The following TMEM40 variants were observed in gnomAD, a reference collection of about 807,000 sequenced individuals.
TMEM40 encodes the protein transmembrane protein 40.
In TMEM40, 34 loss-of-function variants were observed where a neutral mutation model predicts 40.8. The observed-to-expected ratio is 0.83, with a 90% CI of 0.63 to 1.11. The LOEUF is 1.11. Ranked by LOEUF, TMEM40 falls within the 50% of genes least tolerant of loss-of-function variation. The pLI is 0.00. For missense variants in TMEM40, 296 were observed against 280.2 expected (o/e 1.06, Z -0.40); for synonymous variants, 106 against 107.0 (o/e 0.99, Z 0.06).
Position 12,740,344 on chromosome 3 carries a change from C to A in TMEM40, c.356-1756G>T, listed in dbSNP as rs369705294. Among the ~76,000 whole-genome samples, 10 of 151,338 alleles carry A rather than the reference C, an allele frequency of 6.6e-5. No individual in the cohort carries two copies. In the East Asian group the frequency reaches 2.0e-3, roughly 30 times the overall value. On this transcript the variant is annotated intron_variant, in intron 5 of 11. Transcript: ENST00000314124. Reference sequence around the variant, plus strand: ...ACCTCAAGTGATCCACCTGCCTCAGCCTCCCAAAGTGCTGGGATTACAGGC... The same window carrying A: ...ACCTCAAGTGATCCACCTGCCTCAGACTCCCAAAGTGCTGGGATTACAGGC...
chr3:12,763,819 A>G (rs978608125), upstream of TMEM40, among the ~76,000 whole-genome samples: 1 of 152,190 alleles, frequency 6.6e-6, no homozygotes, highest in Non-Finnish European at 1.5e-5. Flanking sequence ...GTGACTTCCT[A>G]GGTCTGAGAA....
chr3:12,749,049 G>T (rs1318646794), intron 2 of TMEM40, among the ~76,000 whole-genome samples: 1 of 151,810 alleles, frequency 6.6e-6, no homozygotes, highest in Non-Finnish European at 1.5e-5. Context: ...TTTTGAGACG[G>T]AGTCTTGCTC....
chr3:12,767,612 A>T (rs1431556062), intron 1 of TMEM40, among the ~76,000 whole-genome samples: 1 of 152,170 alleles, frequency 6.6e-6, no homozygotes, highest in Non-Finnish European at 1.5e-5. Flanking sequence ...GCTAGATAGA[A>T]ATGCTCTCCA....
chr3:12,747,804 G>T (rs907683300), intron 3 of TMEM40, among the ~76,000 whole-genome samples: 9 of 151,366 alleles, frequency 5.9e-5, no homozygotes, highest in Admixed American at 5.3e-4. Context: ...CCAGCTACTC[G>T]GGAGGCTGAG....
At chr3:12,736,546 G>C (rs2061338763) in intron 10 of TMEM40, 32 bp downstream of exon 10, 1 of 1,533,368 alleles carries the variant, frequency 6.5e-7, no homozygotes, top group Non-Finnish European at 8.8e-7. Flanking sequence ...CCAAGAGACT[G>C]TGTGTGTGTC....
chr3:12,739,707 T>C (rs1447827168), intron 5 of TMEM40, among the ~76,000 whole-genome samples: 1 of 152,072 alleles, frequency 6.6e-6, no homozygotes, highest in Non-Finnish European at 1.5e-5. Flanking sequence ...AGTCATGAAC[T>C]ACTATGCCTA....
chr3:12,743,921 G>T lies in TMEM40; in HGVS notation c.280C>A (p.Pro94Thr). Residue 94 changes from proline to threonine, a missense_variant, in exon 4 of 12, where the codon CCC (proline) becomes ACC (threonine). Transcript: ENST00000314124. ...CTACCGGGTGAGCCGTTCCCGTGGG[G>T]GTATCCAGCCCCCAGGCTCCGTCGA... ...KHRRSLGAGYPHGNGSPGPGH... is the reference protein window; with the variant it reads ...KHRRSLGAGYTHGNGSPGPGH... 1 of 1,613,358 alleles carries T rather than the reference G, an allele frequency of 6.2e-7. No individual in the cohort carries two copies. Among genetic ancestry groups the T allele is most frequent in the Non-Finnish European group, 8.5e-7 (1 of 1,179,746 alleles).
rs546499472 is a variant in TMEM40 at position 12,749,176 on chromosome 3, C to T, written c.74-384G>A. Among the ~76,000 whole-genome samples the T allele has an allele frequency of 2.6e-3, 398 of 152,102 alleles. 1 individual carries two copies. Among genetic ancestry groups the T allele is most frequent in the African/African-American group, 9.1e-3 (378 of 41,490 alleles). On this transcript the variant is annotated intron_variant, in intron 2 of 11. Coordinates refer to ENST00000314124, the MANE Select transcript of TMEM40 (RefSeq NM_018306.4). ...AGTAGCTGGGACTACAGGCGCCCAC[C>T]GCCACACCCGGCTAATTTTTTGTAT...
Position 12,737,764 on chromosome 3 carries a change from A to AAG in TMEM40, c.425-12_425-11dup. ...GAGGCCTCCACTTCTCCTTAAGAAC[A>AAG]AGAGAGAGATGAATATTTAACTTTG... On this transcript the variant is annotated splice_polypyrimidine_tract_variant and intron_variant, in intron 7 of 11. Coordinates refer to ENST00000314124, the MANE Select transcript of TMEM40 (RefSeq NM_018306.4). 1 of 1,613,290 alleles carries AAG rather than the reference A, an allele frequency of 6.2e-7. No individual in the cohort carries two copies. The highest frequency in any genetic ancestry group is 8.5e-7 in the Non-Finnish European group (1 of 1,179,328).
chr3:12,737,647 T>C, intron 8 of TMEM40, 60 bp downstream of exon 8: 8 of 1,549,652 alleles, frequency 5.2e-6, no homozygotes, highest in Non-Finnish European at 7.1e-6. Flanking sequence ...CCAGCTGCAT[T>C]TCACCCCTAG....
Position 12,742,028 on chromosome 3 carries a change from G to A in TMEM40, c.355+426C>T, listed in dbSNP as rs190927805. ...GGGCGGATCAGGAGGTCAGGAGACC[G>A]AGACCATCCTGGCCAACATAGTGAA... is the stretch of plus-strand genomic sequence containing the variant. On this transcript the variant is annotated intron_variant, in intron 5 of 11. Transcript: ENST00000314124. Among the ~76,000 whole-genome samples the A allele has an allele frequency of 1.7e-3, 264 of 152,216 alleles. 2 individuals carry two copies. In the East Asian group the frequency reaches 0.025, roughly 15 times the overall value.
chr3:12,744,007 A>C lies in TMEM40; in HGVS notation c.212-18T>G, dbSNP rs2061406887. 1 of 1,607,924 alleles carries C rather than the reference A, an allele frequency of 6.2e-7. No homozygotes were observed. On this transcript the variant is annotated intron_variant, in intron 3 of 11. Transcript: ENST00000314124. The stretch of plus-strand genomic sequence containing the variant: ...ATTGCTCTCTGCGGGTAACAAACAC[A>C]AGCTGTAGGAGAAGCTCAGCCTGGA...
intron 1 of TMEM40, among the ~76,000 whole-genome samples, chr3:12,756,868 T>TCA (rs1225349782): frequency 6.6e-5 from 10 of 151,364 alleles, no homozygotes; most frequent in East Asian, 1.9e-4. Flanking sequence ...ACTCTCTCTC[T>TCA]CACACACACA....
chr3:12,761,905 T>C (rs964446988), upstream of TMEM40, among the ~76,000 whole-genome samples: 9 of 152,220 alleles, frequency 5.9e-5, no homozygotes, highest in Non-Finnish European at 1.2e-4. Context: ...ACAACATATA[T>C]ATGTATAATA....
At chr3:12,766,179 C>A (rs1448485533) in intron 1 of TMEM40, among the ~76,000 whole-genome samples, 1 of 151,810 alleles carries the variant, frequency 6.6e-6, no homozygotes. Flanking sequence ...CTTGTTATTG[C>A]AGAGTAGCGT....
chr3:12,745,322 A>C, intron 3 of TMEM40, among the ~76,000 whole-genome samples: 1 of 147,390 alleles, frequency 6.8e-6, no homozygotes, highest in African/African-American at 2.5e-5. Context: ...CCCACCTTGG[A>C]CTCCCAAAGT....
chr3:12,740,049 T>A (rs1270253732), intron 5 of TMEM40, among the ~76,000 whole-genome samples: 3 of 147,442 alleles, frequency 2.0e-5, no homozygotes, highest in Non-Finnish European at 3.0e-5. Context: ...TACTTATATA[T>A]TATATAACAC....
Position 12,734,624 on chromosome 3 carries a change from T to A in TMEM40, c.*150A>T. On this transcript the variant is annotated 3_prime_UTR_variant, in exon 12 of 12. Transcript: ENST00000314124. ...GCCCCTGCCCGGGCTGGTGCCAACA[T>A]TCAGACCACATGGAAGGAAAAGTGT... 1 of 926,430 alleles carries A rather than the reference T, an allele frequency of 1.1e-6. No individual in the cohort carries two copies. The highest frequency in any genetic ancestry group is 1.6e-6 in the Non-Finnish European group (1 of 611,388). 57.4% of individuals were successfully genotyped at this position (926,430 alleles called of 1,614,324 possible).
intron 3 of TMEM40, among the ~76,000 whole-genome samples, chr3:12,744,420 C>T (rs2061410380): frequency 6.6e-6 from 1 of 152,302 alleles, no homozygotes; most frequent in East Asian, 1.9e-4. Flanking sequence ...TATTGAGAAG[C>T]TTAAGCTGAT....
Sources: allele counts gnomAD v4.1 joint callset (sites outside exome capture counted in the v4.1 genomes callset), GRCh38; gene constraint gnomAD v4.1.1; transcripts MANE v1.5; gene names NCBI Gene and HGNC (gene_info 2026-07-23, HGNC 2026-07-21).